Variants in PPFIA2 observed in about 807,000 individuals in gnomAD.
PPFIA2 encodes the protein liprin-alpha-2.
PPFIA2 carries 46 observed loss-of-function variants against 175.5 expected under a neutral mutation model. The ratio of observed to expected loss-of-function variants is 0.26; its 90% CI spans 0.21 to 0.34. PPFIA2 has a LOEUF of 0.34. Among genes scored for constraint, PPFIA2 ranks in the 10% least tolerant of loss-of-function variants. The probability of loss-of-function intolerance (pLI) is 1.00; values close to 1 mark genes in which losing one functional copy is unlikely to be tolerated. For synonymous variants in PPFIA2, 568 were observed against 511.4 expected, an observed-to-expected ratio of 1.11 and a Z score of -1.49; for missense variants, 1,179 against 1,506.1, an observed-to-expected ratio of 0.78 and a Z score of 3.60.
At chr12:81,485,903 G>A (rs1040926365) in intron 4 of PPFIA2, among the ~76,000 whole-genome samples, 21 of 151,876 alleles carry the variant, frequency 1.4e-4, no homozygotes, top group Admixed American at 1.1e-3. Flanking sequence ...CATTAAAACA[G>A]ACTAAGTACC....
intron 3 of PPFIA2, among the ~76,000 whole-genome samples, chr12:81,719,214 G>T (rs1410531294): frequency 6.6e-6 from 1 of 151,464 alleles, no homozygotes; most frequent in African/African-American, 2.4e-5. Context: ...ATTTATTAGT[G>T]GGTTCAGCCC....
intron 4 of PPFIA2, among the ~76,000 whole-genome samples, chr12:81,550,389 A>G (rs2067715619): frequency 6.6e-6 from 1 of 152,038 alleles, no homozygotes; most frequent in Non-Finnish European, 1.5e-5. Context: ...GTCAAGGCAT[A>G]ACGATAATTT....
intron 30 of PPFIA2, among the ~76,000 whole-genome samples, chr12:81,266,010 T>C (rs952922011): frequency 1.6e-4 from 25 of 152,216 alleles, no homozygotes; most frequent in African/African-American, 6.0e-4. Context: ...TTATCAGAAG[T>C]TAGCTGAGTT....
At chr12:81,320,100 G>C (rs1356788979) in intron 22 of PPFIA2, among the ~76,000 whole-genome samples, 1 of 151,942 alleles carries the variant, frequency 6.6e-6, no homozygotes, top group Non-Finnish European at 1.5e-5. Flanking sequence ...TTAAATGAAA[G>C]AATATTGTGG....
intron 4 of PPFIA2, among the ~76,000 whole-genome samples, chr12:81,490,985 C>T (rs537671995): frequency 6.6e-6 from 1 of 152,092 alleles, no homozygotes; most frequent in Non-Finnish European, 1.5e-5. Context: ...CATGTCCCAT[C>T]TGAACACAAT....
chr12:81,318,350 A>G (rs755239680), intron 22 of PPFIA2, among the ~76,000 whole-genome samples: 1 of 151,758 alleles, frequency 6.6e-6, no homozygotes, highest in African/African-American at 2.4e-5. Flanking sequence ...ATTGAAAAAC[A>G]TTAAATTATT....
intron 8 of PPFIA2, among the ~76,000 whole-genome samples, chr12:81,386,866 A>C (rs900091334): frequency 6.6e-6 from 1 of 152,150 alleles, no homozygotes; most frequent in African/African-American, 2.4e-5. Flanking sequence ...ATATTATAAA[A>C]CAATTTCAAT....
At chr12:81,516,246 G>A (rs750977059) in intron 4 of PPFIA2, among the ~76,000 whole-genome samples, 4 of 152,074 alleles carry the variant, frequency 2.6e-5, no homozygotes, top group Non-Finnish European at 5.9e-5. Flanking sequence ...TTTGTAAGAG[G>A]AGGATAATTC....
intron 4 of PPFIA2, among the ~76,000 whole-genome samples, chr12:81,658,820 G>A (rs1030746446): frequency 4.8e-4 from 73 of 152,030 alleles, no homozygotes; most frequent in African/African-American, 1.7e-3. Context: ...GAGAAAAAAA[G>A]AACAAAATAC....
chr12:81,398,534 C>A (rs2041560098), intron 8 of PPFIA2, among the ~76,000 whole-genome samples: 1 of 152,046 alleles, frequency 6.6e-6, no homozygotes, highest in Non-Finnish European at 1.5e-5. Context: ...TGTTCATGAG[C>A]TACATTACTT....
intron 22 of PPFIA2, among the ~76,000 whole-genome samples, chr12:81,301,847 C>T (rs1218861971): frequency 6.6e-6 from 1 of 152,166 alleles, no homozygotes; most frequent in African/African-American, 2.4e-5. Context: ...TGTCTCCTCC[C>T]TTACTCCCTG....
chr12:81,482,897 G>A (rs2058407397), intron 4 of PPFIA2, among the ~76,000 whole-genome samples: 1 of 151,928 alleles, frequency 6.6e-6, no homozygotes, highest in Admixed American at 6.6e-5. Context: ...TATATATACT[G>A]TGCTGGGATC....
At chr12:81,575,975 T>A (rs1170345386) in intron 4 of PPFIA2, among the ~76,000 whole-genome samples, 1 of 151,714 alleles carries the variant, frequency 6.6e-6, no homozygotes, top group Non-Finnish European at 1.5e-5. Flanking sequence ...CAATCAGGTT[T>A]GCATTCCAGT....
At chr12:81,275,462 C>T (rs1353936147) in intron 28 of PPFIA2, among the ~76,000 whole-genome samples, 1 of 152,086 alleles carries the variant, frequency 6.6e-6, no homozygotes, top group Non-Finnish European at 1.5e-5. Flanking sequence ...TAATTTCTGA[C>T]ATTGTTTATC....
intron 28 of PPFIA2, among the ~76,000 whole-genome samples, chr12:81,276,419 CA>C (rs890425436): frequency 5.3e-5 from 8 of 151,832 alleles, no homozygotes; most frequent in African/African-American, 1.7e-4. Flanking sequence ...AAATTTAAAA[CA>C]AAAAAATACC....
intron 3 of PPFIA2, among the ~76,000 whole-genome samples, chr12:81,717,060 T>C (rs1169521659): frequency 2.0e-5 from 3 of 151,486 alleles, no homozygotes; most frequent in Non-Finnish European, 4.4e-5. Context: ...AACATGGGAG[T>C]TTAATCTGGG....
chr12:81,666,901 T>A (rs957706309), intron 4 of PPFIA2, among the ~76,000 whole-genome samples: 1 of 152,106 alleles, frequency 6.6e-6, no homozygotes, highest in Non-Finnish European at 1.5e-5. Context: ...CACCACTACA[T>A]CTTATGCTAT....
At chr12:81,552,267 T>C (rs1594844958) in intron 4 of PPFIA2, among the ~76,000 whole-genome samples, 1 of 151,896 alleles carries the variant, frequency 6.6e-6, no homozygotes, top group East Asian at 1.9e-4. Flanking sequence ...TAGAACTCTA[T>C]GCAGGAGGAG....
chr12:81,604,600 T>TAC (rs1363750410), intron 4 of PPFIA2, among the ~76,000 whole-genome samples: 1 of 151,128 alleles, frequency 6.6e-6, no homozygotes, highest in African/African-American at 2.4e-5. Flanking sequence ...TCGAAAATTA[T>TAC]ATATATATAT....
Sources: gnomAD v4.1 joint callset for allele counts (sites outside exome capture counted in the v4.1 genomes callset) on GRCh38, gnomAD v4.1.1 for gene constraint, MANE v1.5 for transcripts, NCBI Gene and HGNC (gene_info 2026-07-23, HGNC 2026-07-21) for gene names.